Variants in LY96 observed in about 807,000 individuals in gnomAD.
LY96 encodes the protein myeloid differentiation protein-2.
A neutral mutation model predicts 18.9 loss-of-function variants in LY96; 18 were observed. The observed-to-expected ratio is 0.95, with a 90% CI of 0.66 to 1.41. The LOEUF (loss-of-function observed/expected upper bound fraction) is 1.41, where lower values mean the gene tolerates loss of function less well. LY96 is among the 40% of genes most tolerant of loss of function. LY96 has a pLI of 0.00. For synonymous variants in LY96, 66 were observed against 62.6 expected (o/e 1.06, Z -0.26); for missense variants, 175 against 182.4 (o/e 0.96, Z 0.23).
chr8:74,069,469 G>A, the LY96 span, among the ~76,000 whole-genome samples: 89 of 152,336 alleles, frequency 5.8e-4, no homozygotes, highest in Non-Finnish European at 1.1e-3. Flanking sequence ...ATTCACACAC[G>A]TGACCAGGAA....
At chr8:74,059,568 A>G in the LY96 span, among the ~76,000 whole-genome samples, 12 of 152,256 alleles carry the variant, frequency 7.9e-5, no homozygotes, top group Non-Finnish European at 1.3e-4. Flanking sequence ...GGTAAATTCA[A>G]TAAATGGCAT....
the LY96 span, among the ~76,000 whole-genome samples, chr8:74,044,624 A>G: frequency 3.3e-5 from 5 of 152,174 alleles, no homozygotes; most frequent in Non-Finnish European, 1.5e-5. Flanking sequence ...GGGCAAAGCA[A>G]ATGGAGACGG....
chr8:74,021,749 C>A (rs1451379141), intron 3 of LY96, among the ~76,000 whole-genome samples: 1 of 151,962 alleles, frequency 6.6e-6, no homozygotes, highest in Non-Finnish European at 1.5e-5. Context: ...CCATAAAAAA[C>A]GATGAGTTCA....
chr8:74,004,325 C>G (rs1816362684), intron 1 of LY96, among the ~76,000 whole-genome samples: 1 of 152,158 alleles, frequency 6.6e-6, no homozygotes, highest in Admixed American at 6.5e-5. Flanking sequence ...AAGACAGAAG[C>G]CAGTCCTCTG....
At chr8:74,024,105 C>T (rs1396410521) in intron 3 of LY96, among the ~76,000 whole-genome samples, 1 of 152,148 alleles carries the variant, frequency 6.6e-6, no homozygotes, top group African/African-American at 2.4e-5. Context: ...ATTACTTTTA[C>T]ACCAACCTAA....
At chr8:74,017,508 T>A (rs1439003073) in intron 3 of LY96, among the ~76,000 whole-genome samples, 1 of 151,992 alleles carries the variant, frequency 6.6e-6, no homozygotes, top group Non-Finnish European at 1.5e-5. Context: ...ACTTCCCCAA[T>A]CTAGCAAGGC....
chr8:74,051,272 C>T, the LY96 span, among the ~76,000 whole-genome samples: 2 of 152,098 alleles, frequency 1.3e-5, no homozygotes, highest in African/African-American at 4.8e-5. Context: ...GAACAACATG[C>T]TTTCAGGCAA....
At chr8:73,992,836 CTGTGTGTGTGTGTGTGTG>C (rs34327741) in intron 1 of LY96, among the ~76,000 whole-genome samples, 4,256 of 141,874 alleles carry the variant, frequency 0.03, 103 homozygotes, top group Middle Eastern at 0.084. Context: ...AATTATGCCA[CTGTGTGTGTGTGTGTGTG>C]TGTGTGTGTG....
In LY96 at chr8:73,991,558, A is replaced by T; in HGVS notation, c.112+4A>T. On this transcript the variant is annotated splice_donor_region_variant and intron_variant, in intron 1 of 4. Transcript: ENST00000284818. ...AGTATTTCATACACCTACTGTGGTA[A>T]GTAAAACCGCAAAACAAATAATTGT... 3 of 1,521,824 alleles carry T rather than the reference A, an allele frequency of 2.0e-6. No individual in the cohort carries two copies. Among genetic ancestry groups the T allele is most frequent in the Non-Finnish European group, 1.8e-6 (2 of 1,096,092 alleles). The allele number at this position is 1,521,824 out of a possible 1,614,324, so 94.3% of individuals were successfully genotyped here. A position where few individuals can be genotyped will look rare whatever the true frequency, so the allele number is the denominator to read the frequency against.
chr8:74,046,903 C>CTTTTTTTT, the LY96 span, among the ~76,000 whole-genome samples: 1 of 135,172 alleles, frequency 7.4e-6, no homozygotes, highest in Non-Finnish European at 1.6e-5. Flanking sequence ...CATTCTCATT[C>CTTTTTTTT]TTTTTTTTTT....
the LY96 span, among the ~76,000 whole-genome samples, chr8:74,090,496 A>G: frequency 6.6e-6 from 1 of 152,256 alleles, no homozygotes; most frequent in Non-Finnish European, 1.5e-5. Context: ...ACAATGTTTT[A>G]TAGTTTCTAT....
chr8:74,081,062 T>C, the LY96 span, among the ~76,000 whole-genome samples: 555 of 125,264 alleles, frequency 4.4e-3, 14 homozygotes, highest in African/African-American at 0.013. Context: ...CTTTCTTTCT[T>C]TCTTACTTTC....
chr8:74,090,792 G>C, the LY96 span, among the ~76,000 whole-genome samples: 6 of 152,176 alleles, frequency 3.9e-5, no homozygotes, highest in African/African-American at 1.4e-4. Flanking sequence ...CAGCAATTTG[G>C]TAGGACTCTC....
chr8:74,048,432 T>G, the LY96 span, among the ~76,000 whole-genome samples: 1 of 152,266 alleles, frequency 6.6e-6, no homozygotes, highest in African/African-American at 2.4e-5. Context: ...CAGGTAATTT[T>G]TTTAAATCCG....
intron 2 of LY96, among the ~76,000 whole-genome samples, chr8:74,009,275 A>G (rs1406111223): frequency 6.6e-6 from 1 of 150,478 alleles, no homozygotes; most frequent in Non-Finnish European, 1.5e-5. Flanking sequence ...GGCGCCTGTA[A>G]TCCCAGCTAC....
At chr8:74,089,771 G>A in the LY96 span, among the ~76,000 whole-genome samples, 1 of 151,882 alleles carries the variant, frequency 6.6e-6, no homozygotes, top group Non-Finnish European at 1.5e-5. Flanking sequence ...GGATAGGAAT[G>A]CCATCGTAAG....
the LY96 span, among the ~76,000 whole-genome samples, chr8:74,093,194 A>G: frequency 6.6e-6 from 1 of 152,104 alleles, no homozygotes; most frequent in Non-Finnish European, 1.5e-5. Flanking sequence ...GCTCAAATAC[A>G]ACCTCTGCAA....
chr8:74,078,616 C>G, the LY96 span, among the ~76,000 whole-genome samples: 2 of 152,098 alleles, frequency 1.3e-5, no homozygotes. Context: ...AAGCTGGCCA[C>G]TTCTCAGGCT....
chr8:74,002,081 TTCTTTCTTTCTTTCTC>T lies in LY96; in HGVS notation c.113-2711_113-2696del, dbSNP rs1385647179. 5.6e-3 allele frequency among the ~76,000 whole-genome samples: 155 copies of T among 27,656 alleles called. 26 individuals are homozygous for T. Among genetic ancestry groups the T allele is most frequent in the African/African-American group, 0.03 (148 of 4,958 alleles). The allele number at this position is 27,656 out of a possible 152,430, so 18.1% of individuals were successfully genotyped here. A position where few individuals can be genotyped will look rare whatever the true frequency, so the allele number is the denominator to read the frequency against. On this transcript the variant is annotated intron_variant, in intron 1 of 4. Transcript: ENST00000284818. ...TTCCTTCCTTCCTTCCTTCCTTTCT[TTCTTTCTTTCTTTCTC>T]TCTCTCTCTCTCTCTCTCTCTCTCT...
Sources: allele counts gnomAD v4.1 joint callset (sites outside exome capture counted in the v4.1 genomes callset), GRCh38; gene constraint gnomAD v4.1.1; transcripts MANE v1.5; gene names NCBI Gene and HGNC (gene_info 2026-07-23, HGNC 2026-07-21).